Variants in ERC2 observed in about 807,000 individuals in gnomAD.
ERC2 encodes ERC protein 2.
Under a neutral mutation model 114.8 loss-of-function variants are expected in ERC2, and 42 were observed. That is an observed-to-expected ratio of 0.37 (90% CI 0.29 to 0.47). The LOEUF is 0.47. Ranked by LOEUF, ERC2 falls within the 20% of genes least tolerant of loss-of-function variation. ERC2 has a pLI of 0.99. For missense variants in ERC2, 939 were observed against 1,150.7 expected, an observed-to-expected ratio of 0.82 and a Z score of 2.66; for synonymous variants, 454 against 425.5, an observed-to-expected ratio of 1.07 and a Z score of -0.82.
chr3:56,440,625 G>C (rs2062253861), intron 1 of ERC2, among the ~76,000 whole-genome samples: 1 of 151,938 alleles, frequency 6.6e-6, no homozygotes, highest in Non-Finnish European at 1.5e-5. Context: ...AGGAGGCTGA[G>C]GCAGGAGGAT....
At chr3:56,339,049 T>C (rs902210933) in intron 2 of ERC2, among the ~76,000 whole-genome samples, 1 of 152,152 alleles carries the variant, frequency 6.6e-6, no homozygotes, top group Non-Finnish European at 1.5e-5. Flanking sequence ...ACCTCTGATG[T>C]CTTGATTTCT....
chr3:55,992,007 G>T, intron 11 of ERC2, 50 bp downstream of exon 11: 1 of 1,542,158 alleles, frequency 6.5e-7, no homozygotes. Context: ...GGGCAACCAC[G>T]CAGTCCATGT....
At chr3:55,519,777 A>C (rs73075492) in intron 17 of ERC2, among the ~76,000 whole-genome samples, 22,442 of 152,196 alleles carry the variant, frequency 0.15, 2,044 homozygotes, top group Non-Finnish European at 0.21. Context: ...TCATGCCTGT[A>C]ATCCCAGAGC....
intron 14 of ERC2, among the ~76,000 whole-genome samples, chr3:55,750,331 A>G (rs890713642): frequency 9.2e-5 from 14 of 152,228 alleles, no homozygotes; most frequent in African/African-American, 3.4e-4. Flanking sequence ...TCTGCTCAAA[A>G]TAGCCTTCCA....
At chr3:55,800,419 G>A (rs1365499603) in intron 14 of ERC2, among the ~76,000 whole-genome samples, 2 of 152,100 alleles carry the variant, frequency 1.3e-5, no homozygotes, top group African/African-American at 4.8e-5. Context: ...TGGGATTACA[G>A]GTGTGAGCCA....
intron 8 of ERC2, among the ~76,000 whole-genome samples, chr3:56,017,974 T>C (rs1295097919): frequency 1.3e-5 from 2 of 152,138 alleles, no homozygotes; most frequent in Non-Finnish European, 2.9e-5. Flanking sequence ...ATATGTTTCT[T>C]GGGTTTGGAG....
chr3:55,719,013 T>C (rs756982341), intron 15 of ERC2, among the ~76,000 whole-genome samples: 2 of 152,034 alleles, frequency 1.3e-5, no homozygotes, highest in Non-Finnish European at 2.9e-5. Flanking sequence ...AAAAGAAAAA[T>C]TGTAGTGAAG....
intron 2 of ERC2, among the ~76,000 whole-genome samples, chr3:56,340,628 T>G (rs550767787): frequency 2.0e-4 from 31 of 151,650 alleles, no homozygotes; most frequent in African/African-American, 7.5e-4. Context: ...ATTAGCAGCC[T>G]TGGGGCAAGT....
At chr3:55,868,888 G>A (rs1421553025) in intron 14 of ERC2, among the ~76,000 whole-genome samples, 2 of 152,128 alleles carry the variant, frequency 1.3e-5, no homozygotes, top group African/African-American at 4.8e-5. Flanking sequence ...ACTTTTAGTT[G>A]TATTAAAAAG....
rs576339336 is a variant in ERC2 at position 55,727,710 on chromosome 3, A to G, written c.2712+7061T>C. 5.9e-5 allele frequency among the ~76,000 whole-genome samples: 9 copies of G among 152,338 alleles called. No individual in the cohort carries two copies. The South Asian group carries it at 1.9e-3, about 32-fold the overall frequency. ...ATACTCAGGAGTTTTCAGGGATGAA[A>G]TGGACGGATTCCCTTCATAACAGCA... is the stretch of plus-strand genomic sequence containing the variant. On this transcript the variant is annotated intron_variant, in intron 15 of 17. Transcript: ENST00000288221.
intron 2 of ERC2, among the ~76,000 whole-genome samples, chr3:56,325,897 A>G (rs1008428382): frequency 3.9e-5 from 6 of 152,160 alleles, no homozygotes; most frequent in African/African-American, 1.4e-4. Flanking sequence ...TTTAACCCCA[A>G]TGCTATACTT....
At position 55,607,014 on chromosome 3, in the gene ERC2, T is replaced by C. The variant is rs2058668387; in HGVS notation, c.*39+76780A>G. 4 of 152,430 alleles carry C rather than the reference T, an allele frequency of 2.6e-5. No individual in the cohort carries two copies. In the South Asian group the frequency reaches 8.3e-4, roughly 32 times the overall value. The allele number at this position is 152,430 out of a possible 1,614,324, so 9.4% of individuals were successfully genotyped here. A position where few individuals can be genotyped will look rare whatever the true frequency, so the allele number is the denominator to read the frequency against. ...AATTATAAGCAACAAGAAAGCAGTA[T>C]TAACAGCAAGGGCAGGGAAACCAGG... On this transcript the variant is annotated intron_variant, in intron 17 of 17. Coordinates refer to ENST00000288221, the MANE Select transcript of ERC2 (RefSeq NM_015576.3).
intron 14 of ERC2, among the ~76,000 whole-genome samples, chr3:55,850,610 G>A (rs2061528781): frequency 6.6e-6 from 1 of 152,040 alleles, no homozygotes. Context: ...TAACAGCCAA[G>A]ACCACTCCTA....
chr3:56,168,001 A>G (rs1177427060), intron 4 of ERC2, among the ~76,000 whole-genome samples: 1 of 152,196 alleles, frequency 6.6e-6, no homozygotes, highest in African/African-American at 2.4e-5. Flanking sequence ...GCAAACCTCA[A>G]TGCACAATTT....
intron 13 of ERC2, among the ~76,000 whole-genome samples, chr3:55,924,274 G>A (rs1030765873): frequency 3.3e-5 from 5 of 152,010 alleles, no homozygotes; most frequent in Non-Finnish European, 7.4e-5. Flanking sequence ...GTAAAATTTC[G>A]GCCTTTGTGG....
chr3:55,823,806 C>T (rs925045984), intron 14 of ERC2, among the ~76,000 whole-genome samples: 4 of 152,156 alleles, frequency 2.6e-5, no homozygotes, highest in African/African-American at 9.7e-5. Context: ...ATGACGTGCC[C>T]CACTTCCAGT....
rs992110291 is a variant in ERC2 at position 56,219,000 on chromosome 3, G to T, written c.1075-45480C>A. ...ACCGGGGCCTGTTGTGGGGTGGTTT[G>T]GGGGGAGGGATAGCATCAGGAGATA... On this transcript the variant is annotated intron_variant, in intron 3 of 17. Coordinates refer to ENST00000288221, the MANE Select transcript of ERC2 (RefSeq NM_015576.3). Among the ~76,000 whole-genome samples the T allele has an allele frequency of 2.6e-5, 4 of 152,090 alleles. No individual in the cohort carries two copies. The East Asian group carries it at 5.8e-4, about 22-fold the overall frequency.
intron 3 of ERC2, among the ~76,000 whole-genome samples, chr3:56,294,914 G>A (rs2055331293): frequency 6.6e-6 from 1 of 152,174 alleles, no homozygotes; most frequent in Non-Finnish European, 1.5e-5. Context: ...TCATTAAAAC[G>A]AAACAAGGAA....
chr3:56,400,464 T>A (rs1231855919), intron 2 of ERC2, among the ~76,000 whole-genome samples: 1 of 152,226 alleles, frequency 6.6e-6, no homozygotes, highest in Non-Finnish European at 1.5e-5. Flanking sequence ...AGTAATACTA[T>A]ATCAGAAGAA....
Sources: gnomAD v4.1 joint callset for allele counts (sites outside exome capture counted in the v4.1 genomes callset) on GRCh38, gnomAD v4.1.1 for gene constraint, MANE v1.5 for transcripts, NCBI Gene and HGNC (gene_info 2026-07-23, HGNC 2026-07-21) for gene names.